ASTN2: variants seen among roughly 807,000 people sequenced by gnomAD.
ASTN2 encodes the protein astrotactin 2.
In ASTN2, 54 loss-of-function variants were observed where a neutral mutation model predicts 139.8. That is an observed-to-expected ratio of 0.39 (90% CI 0.31 to 0.48). ASTN2 has a LOEUF of 0.48. ASTN2 is among the 20% of genes least tolerant of loss of function. The pLI, the probability that ASTN2 is intolerant of heterozygous loss-of-function variation, is 0.95. For missense variants in ASTN2, 1,565 were observed against 1,725.1 expected, an observed-to-expected ratio of 0.91 and a Z score of 1.64; for synonymous variants, 756 against 719.5, an observed-to-expected ratio of 1.05 and a Z score of -0.81.
intron 1 of ASTN2, among the ~76,000 whole-genome samples, chr9:117,359,539 T>C (rs1203211945): frequency 6.6e-6 from 1 of 152,188 alleles, no homozygotes; most frequent in Admixed American, 6.5e-5. Context: ...GTCCCAGCAG[T>C]AGGGAAAGTA....
chr9:117,230,783 G>A (rs147146223), intron 2 of ASTN2, among the ~76,000 whole-genome samples: 15 of 152,172 alleles, frequency 9.9e-5, no homozygotes, highest in Admixed American at 9.2e-4. Flanking sequence ...GACAGTGCAT[G>A]CATCATGGAA....
intron 5 of ASTN2, among the ~76,000 whole-genome samples, chr9:117,066,391 GC>G (rs1487959741): frequency 2.7e-5 from 4 of 148,258 alleles, no homozygotes; most frequent in Admixed American, 6.7e-5. Context: ...GTGTATATGT[GC>G]CACATTTTCT....
intron 5 of ASTN2, among the ~76,000 whole-genome samples, chr9:117,047,335 TTGGTCCTTGTCTCTCCCCA>T (rs1838776017): frequency 6.6e-6 from 1 of 152,190 alleles, no homozygotes; most frequent in Non-Finnish European, 1.5e-5. Flanking sequence ...CTTGCACACC[TTGGTCCTTGTCTCTCCCCA>T]TTTCTCCCTC....
At chr9:116,904,299 G>A (rs1050826153) in intron 10 of ASTN2, among the ~76,000 whole-genome samples, 1 of 152,158 alleles carries the variant, frequency 6.6e-6, no homozygotes, top group Admixed American at 6.5e-5. Flanking sequence ...ATGTCCTCGT[G>A]GCAGACAGTC....
At position 116,975,191 on chromosome 9, in the gene ASTN2, T is replaced by C. The variant is rs770137809; in HGVS notation, c.1889+17A>G. ...TTTAAGAAGTACCTATGCAGAGTAC[T>C]GGAGATGATTCCCTACCTGACATCT... is the stretch of plus-strand genomic sequence containing the variant. On this transcript the variant is annotated intron_variant, in intron 10 of 22. Transcript: ENST00000313400. The C allele has an allele frequency of 1.9e-6, 3 of 1,602,154 alleles. No individual in the cohort carries two copies. The highest frequency in any genetic ancestry group is 4.5e-5 in the East Asian group (2 of 44,618).
intron 19 of ASTN2, among the ~76,000 whole-genome samples, chr9:116,512,684 T>C (rs1850449145): frequency 6.6e-6 from 1 of 152,208 alleles, no homozygotes; most frequent in Non-Finnish European, 1.5e-5. Context: ...ATCTGGGTGC[T>C]CCTATATTGG....
chr9:117,246,419 G>A (rs895072100), intron 2 of ASTN2, among the ~76,000 whole-genome samples: 9 of 152,146 alleles, frequency 5.9e-5, no homozygotes, highest in East Asian at 1.9e-4. Context: ...TTGTGTGGAC[G>A]AGGAGAAGCC....
intron 3 of ASTN2, among the ~76,000 whole-genome samples, chr9:117,158,711 TG>T (rs1830482428): frequency 1.3e-5 from 2 of 152,014 alleles, no homozygotes; most frequent in Admixed American, 6.6e-5. Flanking sequence ...GGAAGAACAC[TG>T]GTGAAATGTG....
At position 117,147,296 on chromosome 9, in the gene ASTN2, T is replaced by A. The variant is rs565381547; in HGVS notation, c.1016-5818A>T. Among the ~76,000 whole-genome samples the A allele has an allele frequency of 7.9e-5, 12 of 152,228 alleles. 1 individual carries two copies. In the South Asian group the frequency reaches 2.3e-3, roughly 29 times the overall value. On this transcript the variant is annotated intron_variant, in intron 3 of 22. Coordinates refer to ENST00000313400, the MANE Select transcript of ASTN2 (RefSeq NM_001365068.1). Reference sequence around the variant, plus strand: ...CTCTATTTAAAATGCAAAAATTAGCTGGGTTTGATGCAGGCCTGTAATCCC... The same window carrying A: ...CTCTATTTAAAATGCAAAAATTAGCAGGGTTTGATGCAGGCCTGTAATCCC...
chr9:117,296,965 C>A (rs532509200), intron 1 of ASTN2, among the ~76,000 whole-genome samples: 59 of 152,316 alleles, frequency 3.9e-4, no homozygotes, highest in African/African-American at 1.3e-3. Flanking sequence ...GCCACTGATG[C>A]CTTTCAGCCT....
intron 19 of ASTN2, among the ~76,000 whole-genome samples, chr9:116,509,259 T>G (rs897596292): frequency 6.6e-6 from 1 of 152,150 alleles, no homozygotes; most frequent in Non-Finnish European, 1.5e-5. Flanking sequence ...ACATGCAGTG[T>G]TTGGTTTTTT....
At chr9:116,437,323 T>G (rs966952096) in intron 22 of ASTN2, 6 of 471,072 alleles carry the variant, frequency 1.3e-5, no homozygotes, top group Non-Finnish European at 2.6e-5. Context: ...CAGGATAGAT[T>G]AGGAGGCAGT....
At chr9:116,968,474 C>G (rs1003884845) in intron 10 of ASTN2, among the ~76,000 whole-genome samples, 3 of 152,102 alleles carry the variant, frequency 2.0e-5, no homozygotes, top group African/African-American at 7.2e-5. Context: ...TCTGCTAGCC[C>G]AGGTGGTTAA....
chr9:117,061,887 G>A (rs1839305007), intron 5 of ASTN2, among the ~76,000 whole-genome samples: 1 of 152,106 alleles, frequency 6.6e-6, no homozygotes, highest in Admixed American at 6.5e-5. Flanking sequence ...GGAAATACTT[G>A]GAAACCTACC....
intron 3 of ASTN2, among the ~76,000 whole-genome samples, chr9:117,186,451 G>T (rs1831201253): frequency 6.6e-6 from 1 of 152,142 alleles, no homozygotes; most frequent in Admixed American, 6.5e-5. Context: ...GGAGGCTGAA[G>T]CAGGAGAATG....
At chr9:116,849,723 T>C (rs1832540736) in intron 11 of ASTN2, among the ~76,000 whole-genome samples, 1 of 151,664 alleles carries the variant, frequency 6.6e-6, no homozygotes, top group Non-Finnish European at 1.5e-5. Context: ...GACTTTTCCA[T>C]GCTGCTAGGT....
At chr9:116,440,914 A>G in intron 21 of ASTN2, 122 bp from the exon 22 acceptor site, 1 of 944,372 alleles carries the variant, frequency 1.1e-6, no homozygotes. Flanking sequence ...CTCTGGGAGC[A>G]GACAAACCTT....
intron 10 of ASTN2, among the ~76,000 whole-genome samples, chr9:116,919,839 G>A (rs1834550974): frequency 6.6e-6 from 1 of 151,304 alleles, no homozygotes; most frequent in Non-Finnish European, 1.5e-5. Flanking sequence ...CTCTTTGGAG[G>A]CTGCAGTGGG....
chr9:116,840,222 G>A (rs1422753309), intron 11 of ASTN2, among the ~76,000 whole-genome samples: 1 of 147,980 alleles, frequency 6.8e-6, no homozygotes, highest in Non-Finnish European at 1.5e-5. Context: ...GGATCCCAAG[G>A]CAGAACAATT....
Sources: gnomAD v4.1 joint callset for allele counts (sites outside exome capture counted in the v4.1 genomes callset) on GRCh38, gnomAD v4.1.1 for gene constraint, MANE v1.5 for transcripts, NCBI Gene and HGNC (gene_info 2026-07-23, HGNC 2026-07-21) for gene names.